Variants in PIEZO2 observed in about 807,000 individuals in gnomAD.
The protein encoded by PIEZO2 is piezo type mechanosensitive ion channel component 2.
Under a neutral mutation model 337.3 loss-of-function variants are expected in PIEZO2, and 172 were observed. The ratio of observed to expected loss-of-function variants is 0.51; its 90% confidence interval spans 0.45 to 0.58. The LOEUF (loss-of-function observed/expected upper bound fraction) is 0.58, where lower values mean the gene tolerates loss of function less well. Among genes scored for constraint, PIEZO2 ranks in the 20% least tolerant of loss-of-function variants. The probability of loss-of-function intolerance (pLI) is 0.00; values close to 1 mark genes in which losing one functional copy is unlikely to be tolerated. For synonymous variants in PIEZO2, 1,251 were observed against 1,228.5 expected (o/e 1.02, Z -0.38); for missense variants, 3,028 against 3,391.3 (o/e 0.89, Z 2.66).
Position 10,759,759 on chromosome 18 carries a change from T to C in PIEZO2, c.3601A>G (p.Ile1201Val). The C allele has an allele frequency of 2.0e-6, 3 of 1,537,338 alleles. No homozygotes were observed. Among genetic ancestry groups the C allele is most frequent in the South Asian group, 2.4e-5 (2 of 84,064 alleles). ...WPKYCCFLAC[I>V]ITFQYFICIG... is the part of the protein sequence containing the mutation. ...CAGATGAAATACTGGAAGGTGATGA[T>C]GCATGCCAGGAAGCAGCAGTACTTG... Residue 1201 changes from isoleucine (I) to valine (V), a missense_variant, in exon 25 of 56, where the codon ATC (isoleucine) becomes GTC (valine). Ile to Val is a conservative substitution (Grantham distance 29). Transcript: ENST00000674853. The surrounding 1 kb of genome is among the most constrained non-coding windows in gnomAD (Gnocchi z 5.5).
intron 7 of PIEZO2, among the ~76,000 whole-genome samples, chr18:10,826,011 T>G (rs1158425083): frequency 6.6e-6 from 1 of 152,236 alleles, no homozygotes; most frequent in Non-Finnish European, 1.5e-5. Flanking sequence ...CAATATAAAC[T>G]CACAATATGC....
At chr18:10,720,222 A>ATGTGTGTGTG (rs199985733) in intron 36 of PIEZO2, among the ~76,000 whole-genome samples, 47 of 139,842 alleles carry the variant, frequency 3.4e-4, no homozygotes, top group East Asian at 1.6e-3. Context: ...ATATGAATAT[A>ATGTGTGTGTG]TGTGTGTGTG....
At chr18:10,874,155 G>T (rs2144805095) in intron 4 of PIEZO2, among the ~76,000 whole-genome samples, 2 of 152,208 alleles carry the variant, frequency 1.3e-5, no homozygotes, top group South Asian at 4.1e-4. Context: ...ACAGGCAAAT[G>T]ACTGAAATAG....
In PIEZO2 at chr18:11,078,277, A is replaced by G. The variant is rs1293573804; in HGVS notation, c.65-12055T>C. Among the ~76,000 whole-genome samples the G allele has an allele frequency of 6.6e-6, 1 of 152,228 alleles. No homozygotes were observed. Among genetic ancestry groups the G allele is most frequent in the Non-Finnish European group, 1.5e-5 (1 of 68,034 alleles). On this transcript the variant is annotated intron_variant, in intron 1 of 55. Transcript: ENST00000674853. The surrounding 1 kb of genome is among the most constrained non-coding windows in gnomAD (Gnocchi z 5.3). ...CATAGTTTCCTACTTTCAAGAACTT[A>G]GTAAAAATAGAATTTTTTGTAGACT...
chr18:11,076,818 C>T (rs554975754), intron 1 of PIEZO2, among the ~76,000 whole-genome samples: 18 of 152,172 alleles, frequency 1.2e-4, no homozygotes, highest in African/African-American at 4.1e-4. Context: ...TAAATTCATC[C>T]TGATTGAATA....
At chr18:11,051,510 T>C (rs2037537145) in intron 2 of PIEZO2, among the ~76,000 whole-genome samples, 1 of 152,066 alleles carries the variant, frequency 6.6e-6, no homozygotes, top group Non-Finnish European at 1.5e-5. Flanking sequence ...AGCACATTTC[T>C]TCTCAACTAG....
chr18:10,930,728 G>A (rs1328213998), intron 3 of PIEZO2, among the ~76,000 whole-genome samples: 1 of 152,166 alleles, frequency 6.6e-6, no homozygotes, highest in Non-Finnish European at 1.5e-5. Flanking sequence ...ATCCTTTGAA[G>A]AGAGTAAAAT....
chr18:10,904,315 G>A (rs1372720270), intron 4 of PIEZO2, among the ~76,000 whole-genome samples: 1 of 152,180 alleles, frequency 6.6e-6, no homozygotes, highest in South Asian at 2.1e-4. Flanking sequence ...CCATAAAACC[G>A]AGTTACCGCT....
intron 4 of PIEZO2, among the ~76,000 whole-genome samples, chr18:10,909,982 T>C (rs2030314301): frequency 6.6e-6 from 1 of 152,240 alleles, no homozygotes; most frequent in African/African-American, 2.4e-5. Context: ...AAGAAACTGC[T>C]ACCACATGGG....
chr18:10,967,098 A>G (rs910968934), intron 3 of PIEZO2, among the ~76,000 whole-genome samples: 6 of 145,034 alleles, frequency 4.1e-5, no homozygotes, highest in Admixed American at 1.4e-4. Flanking sequence ...GCTCACTGCA[A>G]CTTCTGCCTC....
At chr18:10,912,607 G>A (rs961597676) in intron 3 of PIEZO2, among the ~76,000 whole-genome samples, 1 of 152,190 alleles carries the variant, frequency 6.6e-6, no homozygotes, top group Non-Finnish European at 1.5e-5. Flanking sequence ...CTCGTACGGT[G>A]CTTAGGTTTA....
chr18:10,778,387 C>T (rs1460670275), intron 18 of PIEZO2, among the ~76,000 whole-genome samples: 2 of 140,396 alleles, frequency 1.4e-5, no homozygotes, highest in African/African-American at 5.4e-5. Flanking sequence ...GGCTGGAGTG[C>T]AGTGGCACCA....
intron 3 of PIEZO2, among the ~76,000 whole-genome samples, chr18:10,914,962 C>A (rs568727572): frequency 1.3e-5 from 2 of 151,176 alleles, no homozygotes; most frequent in East Asian, 3.9e-4. Context: ...AACCAGCCAT[C>A]GCTCCTTTAC....
Position 10,716,835 on chromosome 18 carries a change from C to T in PIEZO2, c.5090-1019G>A, listed in dbSNP as rs912905939. ...TCCTTATATTTTCGACATGTATTTT[C>T]TCATACCCACAATTGTTTTCTTAGA... On this transcript the variant is annotated intron_variant, in intron 37 of 55. Transcript: ENST00000674853. This position sits in a 1 kb window ranked among gnomAD's most constrained non-coding sequence, Gnocchi z 4.1. Among the ~76,000 whole-genome samples the T allele has an allele frequency of 6.6e-6, 1 of 151,902 alleles. No homozygotes were observed. The highest frequency in any genetic ancestry group is 1.5e-5 in the Non-Finnish European group (1 of 68,024).
In PIEZO2 at chr18:11,028,117, T is replaced by A. The variant is rs1183106686; in HGVS notation, c.160+38010A>T. On this transcript the variant is annotated intron_variant, in intron 2 of 55. Coordinates refer to ENST00000674853, the MANE Select transcript of PIEZO2 (RefSeq NM_001378183.1). This position sits in a 1 kb window ranked among gnomAD's most constrained non-coding sequence, Gnocchi z 4.8. ...CTCAGTTCTCACTTTCTGATTTACA[T>A]GGTGTGGCACCACGAGCTGCAAGTT... is the stretch of plus-strand genomic sequence containing the variant. Among the ~76,000 whole-genome samples the A allele has an allele frequency of 6.6e-6, 1 of 152,256 alleles. No individual in the cohort carries two copies. Among genetic ancestry groups the A allele is most frequent in the African/African-American group, 2.4e-5 (1 of 41,470 alleles).
chr18:10,769,460 A>C (rs1210474605), intron 21 of PIEZO2, among the ~76,000 whole-genome samples: 1 of 152,200 alleles, frequency 6.6e-6, no homozygotes, highest in Non-Finnish European at 1.5e-5. Flanking sequence ...TTTTACTGTT[A>C]TATATGTAAC....
At chr18:10,971,477 C>T (rs910128203) in intron 3 of PIEZO2, among the ~76,000 whole-genome samples, 5 of 152,124 alleles carry the variant, frequency 3.3e-5, no homozygotes, top group Non-Finnish European at 4.4e-5. Context: ...GTGACAGGAC[C>T]CACTTGGAGG....
At position 10,676,144 on chromosome 18, in the gene PIEZO2, G is replaced by T. The variant is rs559399362; in HGVS notation, c.8082-856C>A. ...CTCGAGTGACCTCTGCCTCCCACAA[G>T]CCCAGTGCCTTCAATACATTCTTGA... On this transcript the variant is annotated intron_variant, in intron 53 of 55. Coordinates refer to ENST00000674853, the MANE Select transcript of PIEZO2 (RefSeq NM_001378183.1). The surrounding 1 kb of genome is among the most constrained non-coding windows in gnomAD (Gnocchi z 5.1). Among the ~76,000 whole-genome samples the T allele has an allele frequency of 2.0e-5, 3 of 152,202 alleles. No individual in the cohort carries two copies. Among genetic ancestry groups the T allele is most frequent in the African/African-American group, 7.2e-5 (3 of 41,462 alleles).
At chr18:10,998,351 T>TACACATACACACACACACACAC (rs1435646761) in intron 2 of PIEZO2, among the ~76,000 whole-genome samples, 1 of 112,988 alleles carries the variant, frequency 8.9e-6, no homozygotes, top group Non-Finnish European at 1.9e-5. Flanking sequence ...CACACACACA[T>TACACATACACACACACACACAC]ACACATACAC....
Sources: allele counts gnomAD v4.1 joint callset (sites outside exome capture counted in the v4.1 genomes callset), GRCh38; gene constraint gnomAD v4.1.1; non-coding constraint Gnocchi (gnomAD v3.1); transcripts MANE v1.5; gene names NCBI Gene and HGNC (gene_info 2026-07-23, HGNC 2026-07-21).